Variants in PARVA observed in about 807,000 individuals in gnomAD.
PARVA encodes the protein parvin alpha.
A neutral mutation model predicts 52.6 loss-of-function variants in PARVA; 25 were observed. The observed-to-expected ratio is 0.48, with a 90% CI of 0.35 to 0.66. The LOEUF is 0.66. Ranked by LOEUF, PARVA falls within the 30% of genes least tolerant of loss-of-function variation. PARVA has a pLI of 0.01. For missense variants in PARVA, 373 were observed against 450.9 expected (o/e 0.83, Z 1.56); for synonymous variants, 185 against 179.1 (o/e 1.03, Z -0.26).
At chr11:12,376,840 T>C, upstream of PARVA, 1 of 512,950 alleles carries the variant, frequency 1.9e-6, no homozygotes, top group Non-Finnish European at 2.5e-6. Flanking sequence ...GTTGTCACTC[T>C]CTTGCTTTTA....
At chr11:12,445,071 G>A (rs192567224) in intron 1 of PARVA, among the ~76,000 whole-genome samples, 1 of 152,266 alleles carries the variant, frequency 6.6e-6, no homozygotes, top group East Asian at 1.9e-4. Context: ...AACTGTAATG[G>A]GGTCTGGGGA....
Position 12,428,235 on chromosome 11 carries a change from A to C in PARVA, c.137-45510A>C, listed in dbSNP as rs551000560. ...CTGCATTAGGTATTGCCGGATTACC[A>C]GTCTTAGGAAAGTAATATGGTTTTT... On this transcript the variant is annotated intron_variant, in intron 1 of 12. Coordinates refer to ENST00000334956, the MANE Select transcript of PARVA (RefSeq NM_018222.5). Among the ~76,000 whole-genome samples, 9 of 152,334 alleles carry C rather than the reference A, an allele frequency of 5.9e-5. No individual in the cohort carries two copies. In the East Asian group the frequency reaches 1.7e-3, roughly 29 times the overall value.
At chr11:12,464,493 C>T (rs141342191) in intron 1 of PARVA, among the ~76,000 whole-genome samples, 3 of 152,282 alleles carry the variant, frequency 2.0e-5, no homozygotes, top group East Asian at 3.9e-4. Context: ...AACTAGAGTG[C>T]CGTGCCTAAA....
chr11:12,473,737 T>G lies in PARVA; in HGVS notation c.137-8T>G. ...TGAAATGTGACCCTGCTCTTCCTTT[T>G]CTTCCAGTGTCCGAGCTGCAGGAGG... On this transcript the variant is annotated splice_polypyrimidine_tract_variant and splice_region_variant and intron_variant, in intron 1 of 12. Coordinates refer to ENST00000334956, the MANE Select transcript of PARVA (RefSeq NM_018222.5). 6.4e-7 allele frequency: 1 copy of G among 1,555,144 alleles called. No homozygotes were observed. Among genetic ancestry groups the G allele is most frequent in the African/African-American group, 1.4e-5 (1 of 73,322 alleles).
intron 1 of PARVA, among the ~76,000 whole-genome samples, chr11:12,446,142 T>C (rs951346358): frequency 5.3e-5 from 8 of 152,090 alleles, no homozygotes; most frequent in Non-Finnish European, 1.0e-4. Flanking sequence ...AAACATGACA[T>C]CTAAAAACAT....
intron 7 of PARVA, among the ~76,000 whole-genome samples, chr11:12,511,295 G>T (rs1013034105): frequency 4.8e-4 from 73 of 152,130 alleles, no homozygotes; most frequent in Non-Finnish European, 5.9e-5. Context: ...GTAACTGGGG[G>T]GAAAATGGGT....
At chr11:12,442,841 T>G (rs1009843387) in intron 1 of PARVA, among the ~76,000 whole-genome samples, 1 of 149,452 alleles carries the variant, frequency 6.7e-6, no homozygotes, top group Admixed American at 6.9e-5. Context: ...ATCAAGGTGT[T>G]TTGTAATGTT....
chr11:12,425,524 T>C (rs1446166405), intron 1 of PARVA, among the ~76,000 whole-genome samples: 1 of 152,224 alleles, frequency 6.6e-6, no homozygotes, highest in African/African-American at 2.4e-5. Context: ...CTTTTTCTTT[T>C]CACCTCTCAC....
rs759400534 is a variant in PARVA, at chr11:12,520,117, C to A, written c.1042+1600C>A. ...GATAATTTTCCCAATATAAATCAAT[C>A]TATGGGAATATTTTGGAATATAGGT... On this transcript the variant is annotated intron_variant, in intron 12 of 12. Transcript: ENST00000334956. 2.5e-4 allele frequency among the ~76,000 whole-genome samples: 38 copies of A among 152,164 alleles called. 1 individual carries two copies. The highest frequency in any genetic ancestry group is 1.3e-4 in the Admixed American group (2 of 15,278).
At chr11:12,412,124 A>T (rs1156664087) in intron 1 of PARVA, among the ~76,000 whole-genome samples, 1 of 152,178 alleles carries the variant, frequency 6.6e-6, no homozygotes, top group Non-Finnish European at 1.5e-5. Context: ...TTCCCTGGGC[A>T]CATCTCTCTA....
At chr11:12,506,038 G>A (rs1325548677) in intron 6 of PARVA, among the ~76,000 whole-genome samples, 1 of 152,184 alleles carries the variant, frequency 6.6e-6, no homozygotes, top group African/African-American at 2.4e-5. Flanking sequence ...TGTTAAAAGT[G>A]TATCATTCTG....
chr11:12,390,054 T>C (rs551902143), intron 1 of PARVA, among the ~76,000 whole-genome samples: 10 of 152,284 alleles, frequency 6.6e-5, no homozygotes, highest in African/African-American at 2.2e-4. Flanking sequence ...AGCCCATCTC[T>C]TGGGGATGAT....
intron 1 of PARVA, among the ~76,000 whole-genome samples, chr11:12,411,916 C>T (rs1314619365): frequency 2.0e-5 from 3 of 152,182 alleles, no homozygotes; most frequent in Non-Finnish European, 4.4e-5. Context: ...GCAGGCACCC[C>T]CAGCTTCTCA....
chr11:12,435,552 C>T (rs763944097), intron 1 of PARVA, among the ~76,000 whole-genome samples: 10 of 152,032 alleles, frequency 6.6e-5, no homozygotes, highest in East Asian at 1.9e-4. Context: ...TAGCCAAACC[C>T]GTGGAATTAC....
chr11:12,421,375 A>T (rs765365002), intron 1 of PARVA, among the ~76,000 whole-genome samples: 20 of 152,136 alleles, frequency 1.3e-4, no homozygotes, highest in Non-Finnish European at 2.2e-4. Context: ...TCCTAGAGAG[A>T]GTGTGCAGGA....
chr11:12,458,725 C>T (rs1940732740), intron 1 of PARVA, among the ~76,000 whole-genome samples: 1 of 152,114 alleles, frequency 6.6e-6, no homozygotes, highest in African/African-American at 2.4e-5. Flanking sequence ...CTCACACCTC[C>T]CCTTTTCTGT....
chr11:12,489,553 G>A (rs892433967), intron 4 of PARVA, among the ~76,000 whole-genome samples: 2 of 152,104 alleles, frequency 1.3e-5, no homozygotes, highest in African/African-American at 4.8e-5. Flanking sequence ...AGAAAATGGA[G>A]TATAGTAAAT....
chr11:12,442,831 A>C (rs2135005505), intron 1 of PARVA, among the ~76,000 whole-genome samples: 1 of 151,592 alleles, frequency 6.6e-6, no homozygotes, highest in Admixed American at 6.6e-5. Context: ...GATGCTATAT[A>C]TCAAGGTGTT....
At chr11:12,430,869 T>G (rs1940306821) in intron 1 of PARVA, among the ~76,000 whole-genome samples, 1 of 152,184 alleles carries the variant, frequency 6.6e-6, no homozygotes, top group African/African-American at 2.4e-5. Context: ...TAGGACTTTC[T>G]TTTCCCTCAA....
Sources: allele counts gnomAD v4.1 joint callset (sites outside exome capture counted in the v4.1 genomes callset), GRCh38; gene constraint gnomAD v4.1.1; transcripts MANE v1.5; gene names NCBI Gene and HGNC (gene_info 2026-07-23, HGNC 2026-07-21).